Variants in BRMS1 observed in about 807,000 individuals in gnomAD.
BRMS1 encodes breast cancer metastasis-suppressor 1.
A neutral mutation model predicts 40.4 loss-of-function variants in BRMS1; 26 were observed. The ratio of observed to expected loss-of-function variants is 0.64; its 90% CI spans 0.47 to 0.89. The LOEUF (loss-of-function observed/expected upper bound fraction) is 0.89. BRMS1 is among the 40% of genes least tolerant of loss of function. The pLI, the probability that BRMS1 is intolerant of heterozygous loss-of-function variation, is 0.00. For missense variants in BRMS1, 289 were observed against 309.4 expected, an observed-to-expected ratio of 0.93 and a Z score of 0.49; for synonymous variants, 103 against 116.0, an observed-to-expected ratio of 0.89 and a Z score of 0.72.
intron 1 of BRMS1, among the ~76,000 whole-genome samples, chr11:66,343,214 G>A (rs962462910): frequency 1.3e-5 from 2 of 152,198 alleles, no homozygotes; most frequent in African/African-American, 4.8e-5. Flanking sequence ...CTCAATCTCA[G>A]CTGAAACTGA....
chr11:66,338,158 T>C, intron 9 of BRMS1, 85 bp downstream of exon 9: 1 of 1,549,852 alleles, frequency 6.5e-7, no homozygotes, highest in East Asian at 2.3e-5. Context: ...TCACAGCCTT[T>C]CTCTGGGCTC....
At chr11:66,340,043 C>T in intron 7 of BRMS1, 78 bp downstream of exon 7, 1 of 1,220,992 alleles carries the variant, frequency 8.2e-7, no homozygotes, top group African/African-American at 1.5e-5. Context: ...CTCCATGTCC[C>T]CTCCAACCCC....
chr11:66,337,769 T>C lies in BRMS1; in HGVS notation c.*113A>G. 2 of 1,613,614 alleles carry C rather than the reference T, an allele frequency of 1.2e-6. No individual in the cohort carries two copies. Among genetic ancestry groups the C allele is most frequent in the South Asian group, 2.2e-5 (2 of 91,060 alleles). ...AGGGCCCAGCAGCACCACAGGAGCC[T>C]GGCTGGGCAGACCCTGAGGGGCCTG... On this transcript the variant is annotated 3_prime_UTR_variant, in exon 10 of 10. Transcript: ENST00000359957.
chr11:66,338,475 CG>C, intron 8 of BRMS1, 193 bp from the exon 9 acceptor site: 3 of 1,514,190 alleles, frequency 2.0e-6, no homozygotes, highest in African/African-American at 1.4e-5. Context: ...CCCGCCTCCC[CG>C]CCACCCTCCC....
rs1427822254 is a variant in BRMS1 at position 66,337,778 on chromosome 11, A to C, written c.*104T>G. 4 of 1,613,656 alleles carry C rather than the reference A, an allele frequency of 2.5e-6. No homozygotes were observed. Among genetic ancestry groups the C allele is most frequent in the Admixed American group, 3.3e-5 (2 of 60,002 alleles). On this transcript the variant is annotated 3_prime_UTR_variant, in exon 10 of 10. Transcript: ENST00000359957. Reference sequence around the variant, plus strand: ...CAGCACCACAGGAGCCTGGCTGGGCAGACCCTGAGGGGCCTGTGGGTCCGC... The same window carrying C: ...CAGCACCACAGGAGCCTGGCTGGGCCGACCCTGAGGGGCCTGTGGGTCCGC...
chr11:66,340,858 G>C lies in BRMS1; in HGVS notation c.451C>G (p.Leu151Val). ...TCCCCCTGCAGCGTGTCATAGAGCA[G>C]CAGCTTCTCACTCTGGAAGAGGGGG... ...AKQHLESEKL[L>V]LYDTLQGELQ... is the part of the protein sequence containing the mutation. The change falls in exon 6 of 10, where the codon CTG becomes GTG. Residue 151 changes from leucine (L) to valine (V), a missense_variant. Transcript: ENST00000359957. 1 of 1,614,100 alleles carries C rather than the reference G, an allele frequency of 6.2e-7. No homozygotes were observed. Among genetic ancestry groups the C allele is most frequent in the African/African-American group, 1.3e-5 (1 of 75,056 alleles).
chr11:66,341,259 G>A lies in BRMS1; in HGVS notation c.305C>T (p.Thr102Met), dbSNP rs762502004. 26 of 1,613,414 alleles carry A rather than the reference G, an allele frequency of 1.6e-5. No homozygotes were observed. In the South Asian group the frequency reaches 2.0e-4, roughly 12 times the overall value. Reference sequence around the variant, plus strand: ...CCGCTGCAGCCCCCCAAGGGGCTCCGTGTATTCAGGGGCTCTCTCAGCCCC... The same window carrying A: ...CCGCTGCAGCCCCCCAAGGGGCTCCATGTATTCAGGGGCTCTCTCAGCCCC... The part of the protein sequence containing the change: ...EVGAERAPEY[T>M]EPLGGLQRSL... Residue 102 changes from threonine to methionine, a missense_variant, in exon 4 of 10, where the codon ACG (threonine) becomes ATG (methionine). Coordinates refer to ENST00000359957, the MANE Select transcript of BRMS1 (RefSeq NM_015399.4). This position sits in a 1 kb window ranked among gnomAD's most constrained non-coding sequence, Gnocchi z 4.9.
chr11:66,342,157 C>A lies in BRMS1; in HGVS notation c.78G>T (p.Glu26Asp). The stretch of plus-strand genomic sequence containing the variant: ...TCCGCTCCTCCTCACTCTCTTCCTC[C>A]TCCCCATTCATCTCAGCAGCAGAAT... ...EGDSAAEMNG[E>D]EEESEEERSG... The change falls in exon 2 of 10, where the codon GAG (glutamate) becomes GAT (aspartate). Residue 26 changes from glutamate to aspartate, a missense_variant. Transcript: ENST00000359957. The A allele has an allele frequency of 6.2e-7, 1 of 1,613,900 alleles. No homozygotes were observed.
intron 7 of BRMS1, among the ~76,000 whole-genome samples, chr11:66,338,987 ATGT>A (rs1389906529): frequency 6.6e-6 from 1 of 151,978 alleles, no homozygotes; most frequent in Non-Finnish European, 1.5e-5. Context: ...AGGACACCAA[ATGT>A]TGTTCCCTGT....
In BRMS1 at chr11:66,341,423, G is replaced by A. The variant is rs2236679; in HGVS notation, c.231-90C>T. On this transcript the variant is annotated intron_variant, in intron 3 of 9. Transcript: ENST00000359957. This position sits in a 1 kb window ranked among gnomAD's most constrained non-coding sequence, Gnocchi z 4.9. Reference sequence around the variant, plus strand: ...CCAGCACCCATTCCACAGCAAGCCCGGTGTTAGGCGCGCACTTCCTGGGCA... The same window carrying A: ...CCAGCACCCATTCCACAGCAAGCCCAGTGTTAGGCGCGCACTTCCTGGGCA... 8.5e-4 allele frequency: 1,364 copies of A among 1,601,342 alleles called. 1 individual carries two copies. Among genetic ancestry groups the A allele is most frequent in the Non-Finnish European group, 1.1e-3 (1,278 of 1,170,824 alleles).
chr11:66,342,078 G>T lies in BRMS1; in HGVS notation c.139+18C>A. The T allele has an allele frequency of 6.2e-7, 1 of 1,605,452 alleles. No individual in the cohort carries two copies. The highest frequency in any genetic ancestry group is 8.5e-7 in the Non-Finnish European group (1 of 1,175,276). ...GCTCTGTGTGTGTGTGTGTGTGTCT[G>T]TGTGTGTAGGGGCTCACCGGAGCTC... On this transcript the variant is annotated intron_variant, in intron 2 of 9. Transcript: ENST00000359957.
In BRMS1 at chr11:66,341,749, C is replaced by T. The variant is rs766157835; in HGVS notation, c.140-126G>A. 9.5e-5 allele frequency: 78 copies of T among 824,478 alleles called. No individual in the cohort carries two copies. The highest frequency in any genetic ancestry group is 2.0e-4 in the African/African-American group (12 of 58,964). 51.1% of individuals were successfully genotyped at this position (824,478 alleles called of 1,614,324 possible). A position where few individuals can be genotyped will look rare whatever the true frequency, so the allele number is the denominator to read the frequency against. On this transcript the variant is annotated intron_variant, in intron 2 of 9. Coordinates refer to ENST00000359957, the MANE Select transcript of BRMS1 (RefSeq NM_015399.4). The surrounding 1 kb of genome is among the most constrained non-coding windows in gnomAD (Gnocchi z 4.9). ...TGTGTAGGGCCTGTGTGTGTGTGCG[C>T]GTACATGCTTGTGTGAAGGGGCTGT... is the stretch of plus-strand genomic sequence containing the variant.
At chr11:66,340,915 C>A in intron 5 of BRMS1, 45 bp from the exon 6 acceptor site, 13 of 1,613,298 alleles carry the variant, frequency 8.1e-6, no homozygotes, top group Non-Finnish European at 1.1e-5. Flanking sequence ...GGGGTGAGGC[C>A]ACTTCAGGCT....
Position 66,338,393 on chromosome 11 carries a change from CAGGACCGGGAGCAT to C in BRMS1, c.694-125_694-112del, listed in dbSNP as rs1305234802. The C allele has an allele frequency of 2.0e-6, 3 of 1,534,804 alleles. No individual in the cohort carries two copies. The African/African-American group carries it at 4.1e-5, about 21-fold the overall frequency. The stretch of plus-strand genomic sequence containing the variant: ...GGCTGTTGCCTCAGTGCTGTGCCCC[CAGGACCGGGAGCAT>C]AGGCCCCACCCAGGCAGAGCTCCCA... On this transcript the variant is annotated intron_variant, in intron 8 of 9. Transcript: ENST00000359957.
In BRMS1 at chr11:66,338,792, TG is replaced by T. The variant is rs1173345369; in HGVS notation, c.629-8del. ...ATGTACACGATGTATGGGCCTGTGG[TG>T]GGGGTCAAGGAAGCCTAGTGGAGGT... On this transcript the variant is annotated splice_region_variant and splice_polypyrimidine_tract_variant and intron_variant, in intron 7 of 9. Coordinates refer to ENST00000359957, the MANE Select transcript of BRMS1 (RefSeq NM_015399.4). The T allele has an allele frequency of 2.0e-6, 3 of 1,531,666 alleles. No homozygotes were observed. Among genetic ancestry groups the T allele is most frequent in the Admixed American group, 4.1e-5 (2 of 48,738 alleles). The allele number at this position is 1,531,666 out of a possible 1,614,324, so 94.9% of individuals were successfully genotyped here.
intron 5 of BRMS1, 27 bp from the exon 6 acceptor site, chr11:66,340,897 G>A (rs1458795361): frequency 1.2e-6 from 2 of 1,613,712 alleles, no homozygotes; most frequent in South Asian, 2.2e-5. Flanking sequence ...TAGCTCAGCA[G>A]GACGGATGGG....
rs1313205928 is a variant in BRMS1 at position 66,343,939 on chromosome 11, TAAG to T, written c.-8+1030_-8+1032del. Among the ~76,000 whole-genome samples the T allele has an allele frequency of 2.6e-5, 4 of 152,312 alleles. No homozygotes were observed. The South Asian group carries it at 6.2e-4, about 24-fold the overall frequency. The stretch of plus-strand genomic sequence containing the variant: ...TGCCAAGTACTGCCAAGAGATCACC[TAAG>T]AAGAAGAAAACAGTCCTCTCAGCAG... On this transcript the variant is annotated intron_variant, in intron 1 of 9. Transcript: ENST00000359957.
chr11:66,338,979 G>A (rs1170131816), intron 7 of BRMS1, among the ~76,000 whole-genome samples, 194 bp from the exon 8 acceptor site: 1 of 152,078 alleles, frequency 6.6e-6, no homozygotes, highest in Non-Finnish European at 1.5e-5. Flanking sequence ...GTCTATGGAG[G>A]ACACCAAATG....
chr11:66,338,671 G>C, intron 8 of BRMS1, 50 bp downstream of exon 8: 1 of 1,613,456 alleles, frequency 6.2e-7, no homozygotes, highest in Non-Finnish European at 8.5e-7. Context: ...TGCTGCCAGG[G>C]TGGGGGGCCC....
Sources: gnomAD v4.1 joint callset for allele counts (sites outside exome capture counted in the v4.1 genomes callset) on GRCh38, gnomAD v4.1.1 for gene constraint, Gnocchi (gnomAD v3.1) non-coding constraint, MANE v1.5 for transcripts, NCBI Gene and HGNC (gene_info 2026-07-23, HGNC 2026-07-21) for gene names.